Variants in CHST9 observed in about 807,000 individuals in gnomAD.
CHST9 encodes GalNAc-4-sulfotransferase 2.
A neutral mutation model predicts 44.4 loss-of-function variants in CHST9; 41 were observed. That is an observed-to-expected ratio of 0.92 (90% CI 0.72 to 1.20). CHST9 has a LOEUF of 1.20. Ranked by LOEUF, CHST9 falls within the 50% of genes most tolerant of loss-of-function variation. CHST9 has a pLI of 0.00. For missense variants in CHST9, 504 were observed against 516.5 expected (o/e 0.98, Z 0.23); for synonymous variants, 171 against 178.4 (o/e 0.96, Z 0.33).
At chr18:27,136,375 G>C (rs1441539704) in intron 2 of CHST9, among the ~76,000 whole-genome samples, 1 of 152,198 alleles carries the variant, frequency 6.6e-6, no homozygotes, top group Admixed American at 6.5e-5. Context: ...GAAGCACGGA[G>C]TGTCATTCTG....
At chr18:27,087,803 G>A (rs901779544) in intron 2 of CHST9, among the ~76,000 whole-genome samples, 2 of 152,160 alleles carry the variant, frequency 1.3e-5, no homozygotes, top group African/African-American at 2.4e-5. Context: ...GTCCCCTAGC[G>A]AATGGCCTTT....
chr18:27,099,836 A>G (rs1279863403), intron 2 of CHST9, among the ~76,000 whole-genome samples: 7 of 152,164 alleles, frequency 4.6e-5, no homozygotes, highest in Non-Finnish European at 8.8e-5. Flanking sequence ...CAAAGGACTT[A>G]AAACAGAACT....
At chr18:26,923,468 T>C (rs189481640) in intron 5 of CHST9, among the ~76,000 whole-genome samples, 142 of 152,354 alleles carry the variant, frequency 9.3e-4, no homozygotes, top group Non-Finnish European at 1.7e-3. Context: ...TTGAATTTGA[T>C]TGAAGCAAAG....
In CHST9 at chr18:26,949,097, T is replaced by C. The variant is rs536528875; in HGVS notation, c.203-4731A>G. Among the ~76,000 whole-genome samples, 116 of 151,952 alleles carry C rather than the reference T, an allele frequency of 7.6e-4. 1 individual carries two copies. Among genetic ancestry groups the C allele is most frequent in the African/African-American group, 2.8e-3 (114 of 41,442 alleles). On this transcript the variant is annotated intron_variant, in intron 4 of 5. Coordinates refer to ENST00000618847, the MANE Select transcript of CHST9 (RefSeq NM_031422.6). ...TTCTTGAGAAAGATGAATTGAGTGG[T>C]GGTGTGGAGACGGGTTGAAGGGGTA...
chr18:27,179,931 C>G (rs967672432), intron 1 of CHST9, among the ~76,000 whole-genome samples: 1 of 152,014 alleles, frequency 6.6e-6, no homozygotes, highest in Non-Finnish European at 1.5e-5. Flanking sequence ...ATAGAATTAA[C>G]ATTAGTTAAC....
intron 4 of CHST9, among the ~76,000 whole-genome samples, chr18:26,969,854 A>G (rs1243769161): frequency 6.6e-6 from 1 of 150,544 alleles, no homozygotes; most frequent in Non-Finnish European, 1.5e-5. Flanking sequence ...TTTGATCTTG[A>G]TACTTTAGTG....
chr18:26,958,651 C>T (rs1330110109), intron 4 of CHST9, among the ~76,000 whole-genome samples: 1 of 152,098 alleles, frequency 6.6e-6, no homozygotes, highest in Non-Finnish European at 1.5e-5. Context: ...CAAACAACCT[C>T]ATTAAAAAAT....
intron 1 of CHST9, among the ~76,000 whole-genome samples, chr18:27,145,238 C>G (rs2058602224): frequency 6.6e-6 from 1 of 152,180 alleles, no homozygotes; most frequent in Non-Finnish European, 1.5e-5. Context: ...GTCGCCCAGG[C>G]TGGAGTGCAG....
At chr18:26,969,372 C>CTGTGTGTGTGTGTG (rs1371549809) in intron 4 of CHST9, among the ~76,000 whole-genome samples, 2 of 122,006 alleles carry the variant, frequency 1.6e-5, no homozygotes, top group African/African-American at 3.1e-5. Context: ...CTCTCTCTCT[C>CTGTGTGTGTGTGTG]TCTCTGTGTG....
intron 1 of CHST9, among the ~76,000 whole-genome samples, chr18:27,177,068 G>C (rs1200787353): frequency 1.3e-5 from 2 of 151,992 alleles, no homozygotes; most frequent in Non-Finnish European, 2.9e-5. Flanking sequence ...AGCCCTGCTG[G>C]AGTAATAAAA....
rs1175351332 is a variant in CHST9 at position 26,914,386 on chromosome 18, T to G, written c.*1873A>C. On this transcript the variant is annotated 3_prime_UTR_variant, in exon 6 of 6. Transcript: ENST00000618847. ...TTTCTTAGGAATAAAATTTCAGGCT[T>G]CTGGAATATTTTTTATTTTCTCTCT... The G allele has an allele frequency of 6.6e-6, 1 of 152,252 alleles. No homozygotes were observed. Among genetic ancestry groups the G allele is most frequent in the African/African-American group, 2.4e-5 (1 of 41,476 alleles). The allele number at this position is 152,252 out of a possible 1,614,324, so 9.4% of individuals were successfully genotyped here. A position where few individuals can be genotyped will look rare whatever the true frequency, so the allele number is the denominator to read the frequency against.
At chr18:26,924,579 T>G (rs2339250) in intron 5 of CHST9, 1 of 952,452 alleles carries the variant, frequency 1.0e-6, no homozygotes, top group African/African-American at 1.8e-5. Context: ...TGAATCTAGA[T>G]AGAAGTGCAG....
chr18:27,134,847 G>GA (rs913912946), intron 2 of CHST9, among the ~76,000 whole-genome samples: 3 of 151,676 alleles, frequency 2.0e-5, no homozygotes, highest in Admixed American at 6.6e-5. Context: ...TAAAAGTCAG[G>GA]AAAAAAAATC....
intron 1 of CHST9, among the ~76,000 whole-genome samples, chr18:27,162,264 G>A (rs1486189235): frequency 1.3e-5 from 2 of 152,098 alleles, no homozygotes; most frequent in Non-Finnish European, 2.9e-5. Context: ...TCCTTTCCAT[G>A]TTTAGTGCTT....
intron 1 of CHST9, among the ~76,000 whole-genome samples, chr18:27,160,352 C>T (rs1272857911): frequency 6.6e-6 from 1 of 152,174 alleles, no homozygotes; most frequent in Non-Finnish European, 1.5e-5. Context: ...GCCTTTTCTG[C>T]ATCTGTTGAG....
intron 4 of CHST9, among the ~76,000 whole-genome samples, chr18:27,005,526 C>T (rs1029209562): frequency 6.6e-6 from 1 of 152,114 alleles, no homozygotes; most frequent in African/African-American, 2.4e-5. Flanking sequence ...CTAGAACATT[C>T]AACAAATCCA....
chr18:27,086,257 C>A (rs375079472), intron 2 of CHST9, among the ~76,000 whole-genome samples: 1 of 152,034 alleles, frequency 6.6e-6, no homozygotes, highest in African/African-American at 2.4e-5. Context: ...AACCCCTGAA[C>A]CTAAAATGAA....
chr18:26,930,980 C>G (rs1390528135), intron 5 of CHST9, among the ~76,000 whole-genome samples: 4 of 152,168 alleles, frequency 2.6e-5, no homozygotes, highest in South Asian at 4.2e-4. Context: ...TTTCTGCCCC[C>G]ACCCATTACC....
At chr18:27,149,834 AT>A (rs2058646053) in intron 1 of CHST9, among the ~76,000 whole-genome samples, 1 of 151,876 alleles carries the variant, frequency 6.6e-6, no homozygotes, top group East Asian at 1.9e-4. Flanking sequence ...CTAATGCCGT[AT>A]TTTTCATTTC....
Sources: gnomAD v4.1 joint callset for allele counts (sites outside exome capture counted in the v4.1 genomes callset) on GRCh38, gnomAD v4.1.1 for gene constraint, MANE v1.5 for transcripts, NCBI Gene and HGNC (gene_info 2026-07-23, HGNC 2026-07-21) for gene names.